The following ZNF280C variants were observed in gnomAD, a reference collection of about 807,000 sequenced individuals.
The protein encoded by ZNF280C is suppressor of hairy wing homolog 3.
In ZNF280C, 14 loss-of-function variants were observed where a neutral mutation model predicts 53.6. The observed-to-expected ratio is 0.26, with a 90% CI of 0.17 to 0.41. The LOEUF (loss-of-function observed/expected upper bound fraction) is 0.41, where lower values mean the gene tolerates loss of function less well. ZNF280C is among the 10% of genes least tolerant of loss of function. The probability of loss-of-function intolerance (pLI) is 1.00; values close to 1 mark genes in which losing one functional copy is unlikely to be tolerated. For missense variants in ZNF280C, 416 were observed against 547.1 expected, an observed-to-expected ratio of 0.76 and a Z score of 2.39; for synonymous variants, 203 against 181.1, an observed-to-expected ratio of 1.12 and a Z score of -0.97.
chrX:130,248,956 C>T (rs10126901), intron 2 of ZNF280C, among the ~76,000 whole-genome samples: 2,518 of 111,589 alleles, frequency 0.023, 79 homozygotes, highest in African/African-American at 0.077. Context: ...GAGTGCACTC[C>T]GCCCACCCTC....
rs1045748757 is a variant in ZNF280C, at chrX:130,204,817, T to C, written c.*160A>G. ...GCAAAGATAAGGTGGAATAACAATG[T>C]AGTGGCATCTGAAAGCTGAAAAGAG... On this transcript the variant is annotated 3_prime_UTR_variant, in exon 19 of 19. Transcript: ENST00000370978. The C allele has an allele frequency of 2.6e-6, 1 of 388,811 alleles. No homozygotes were observed. Among genetic ancestry groups the C allele is most frequent in the Non-Finnish European group, 4.4e-6 (1 of 226,011 alleles). 32.0% of individuals were successfully genotyped at this position (388,811 alleles called of 1,213,427 possible).
chrX:130,211,545 C>T (rs1253495821), intron 15 of ZNF280C, among the ~76,000 whole-genome samples: 1 of 111,228 alleles, frequency 9.0e-6, no homozygotes, highest in Non-Finnish European at 1.9e-5. Flanking sequence ...AGTGAGGGTG[C>T]ACCATTCAGA....
chrX:130,216,699 A>G (rs1181168923), intron 13 of ZNF280C, among the ~76,000 whole-genome samples: 2 of 112,181 alleles, frequency 1.8e-5, no homozygotes, highest in Non-Finnish European at 3.8e-5. Flanking sequence ...TGTAGTTACA[A>G]TGAAAAACAG....
intron 2 of ZNF280C, among the ~76,000 whole-genome samples, chrX:130,247,762 A>G (rs1234274736): frequency 9.0e-6 from 1 of 111,023 alleles, no homozygotes; most frequent in Non-Finnish European, 1.9e-5. Context: ...ATAAGAGAAA[A>G]TACATAGGAG....
Position 130,243,939 on chromosome X carries a change from CAT to C in ZNF280C, c.179-76_179-75del, listed in dbSNP as rs1009508103. On this transcript the variant is annotated intron_variant, in intron 3 of 18. Transcript: ENST00000370978. ...ACTAATAGAAAAATTCCTCCAAAAA[CAT>C]ATCTTTGCATAACCAATAATTGAAG... 7 of 612,559 alleles carry C rather than the reference CAT, an allele frequency of 1.1e-5. No individual in the cohort carries two copies. In the African/African-American group the frequency reaches 1.4e-4, roughly 12 times the overall value. The allele number at this position is 612,559 out of a possible 1,213,427, so 50.5% of individuals were successfully genotyped here.
rs35019405 is a variant in ZNF280C at position 130,204,999 on chromosome X, G to GAAA, written c.2199-10_2199-8dup. ...AATCTATTTCAATGAGCAGCTTTAA[G>GAAA]AAAAAAAAAAAAAAACTTTAATATT... is the stretch of plus-strand genomic sequence containing the variant. On this transcript the variant is annotated splice_polypyrimidine_tract_variant and splice_region_variant and intron_variant, in intron 18 of 18. Transcript: ENST00000370978. 2.1e-4 allele frequency: 192 copies of GAAA among 907,666 alleles called. No individual in the cohort carries two copies. Among genetic ancestry groups the GAAA allele is most frequent in the African/African-American group, 2.2e-4 (8 of 36,641 alleles). The allele number at this position is 907,666 out of a possible 1,213,427, so 74.8% of individuals were successfully genotyped here. A position where few individuals can be genotyped will look rare whatever the true frequency, so the allele number is the denominator to read the frequency against.
At position 130,204,721 on chromosome X, in the gene ZNF280C, G is replaced by T. The variant is rs1029971845; in HGVS notation, c.*256C>A. The T allele has an allele frequency of 1.8e-5, 5 of 273,629 alleles. No homozygotes were observed. Among genetic ancestry groups the T allele is most frequent in the Admixed American group, 6.4e-5 (1 of 15,675 alleles). 22.6% of individuals were successfully genotyped at this position (273,629 alleles called of 1,213,427 possible). A position where few individuals can be genotyped will look rare whatever the true frequency, so the allele number is the denominator to read the frequency against. ...TTCTGAAGGCAAGTCAAGTATAGCAGAGAAAAACAAAAGGCATTTTTGGAG... is the reference window on the plus strand; with the variant it reads ...TTCTGAAGGCAAGTCAAGTATAGCATAGAAAAACAAAAGGCATTTTTGGAG... On this transcript the variant is annotated 3_prime_UTR_variant, in exon 19 of 19. Transcript: ENST00000370978.
At chrX:130,214,616 T>C (rs957057131) in intron 15 of ZNF280C, among the ~76,000 whole-genome samples, 14 of 111,476 alleles carry the variant, frequency 1.3e-4, no homozygotes, top group African/African-American at 4.6e-4. Flanking sequence ...TGATATAAAA[T>C]GGCATAGTAC....
chrX:130,249,506 C>T (rs2032485363), intron 2 of ZNF280C, among the ~76,000 whole-genome samples: 1 of 111,913 alleles, frequency 8.9e-6, no homozygotes, highest in African/African-American at 3.2e-5. Context: ...AGCAGAGGTC[C>T]AATATCAGTC....
At chrX:130,234,818 A>G (rs1266213794) in intron 8 of ZNF280C, among the ~76,000 whole-genome samples, 1 of 111,926 alleles carries the variant, frequency 8.9e-6, no homozygotes, top group African/African-American at 3.3e-5. Flanking sequence ...GTACTGTGAA[A>G]ATTACCTAAA....
At chrX:130,208,825 A>G (rs2124696063) in intron 16 of ZNF280C, among the ~76,000 whole-genome samples, 1 of 108,760 alleles carries the variant, frequency 9.2e-6, no homozygotes, top group East Asian at 2.9e-4. Flanking sequence ...CCTCCCAAGT[A>G]GCTGGGATTA....
intron 12 of ZNF280C, among the ~76,000 whole-genome samples, chrX:130,225,522 T>A (rs760142786): frequency 1.8e-5 from 2 of 111,532 alleles, no homozygotes; most frequent in East Asian, 5.6e-4. Flanking sequence ...TCTATGAATT[T>A]TGTAAATCCA....
At chrX:130,263,613 A>C (rs1366028390) in intron 1 of ZNF280C, among the ~76,000 whole-genome samples, 1 of 111,849 alleles carries the variant, frequency 8.9e-6, no homozygotes. Context: ...GGTGATGAAA[A>C]TGTTCTAAAA....
chrX:130,223,041 A>G (rs2032185703), intron 12 of ZNF280C, among the ~76,000 whole-genome samples: 1 of 110,161 alleles, frequency 9.1e-6, no homozygotes, highest in African/African-American at 3.3e-5. Context: ...CATGCATACT[A>G]TATGGTTTTT....
At chrX:130,238,676 G>GT (rs748498118) in intron 6 of ZNF280C, among the ~76,000 whole-genome samples, 1 of 111,198 alleles carries the variant, frequency 9.0e-6, no homozygotes, top group East Asian at 2.8e-4. Flanking sequence ...TTATCTCCCT[G>GT]TTTGTTTCGG....
At chrX:130,237,525 T>C (rs1381163691) in intron 6 of ZNF280C, among the ~76,000 whole-genome samples, 3 of 111,680 alleles carry the variant, frequency 2.7e-5, no homozygotes, top group South Asian at 3.7e-4. Context: ...ATTTAGGCTA[T>C]AACCAGACCC....
intron 13 of ZNF280C, among the ~76,000 whole-genome samples, chrX:130,217,043 G>C (rs958054243): frequency 6.3e-5 from 7 of 111,518 alleles, no homozygotes; most frequent in Non-Finnish European, 1.3e-4. Flanking sequence ...AAAACAGTTT[G>C]GCAGTTTCTT....
chrX:130,215,338 T>C lies in ZNF280C; in HGVS notation c.1839-5A>G, dbSNP rs201618928. 472 of 1,153,006 alleles carry C rather than the reference T, an allele frequency of 4.1e-4. No homozygotes were observed. Among genetic ancestry groups the C allele is most frequent in the East Asian group, 8.7e-4 (28 of 32,264 alleles). ...TTGTGAATTCCCCGACGACACCTTA[T>C]GGAGACGGAAAAAAAAGATAAAAAG... On this transcript the variant is annotated splice_region_variant and splice_polypyrimidine_tract_variant and intron_variant, in intron 14 of 18. Coordinates refer to ENST00000370978, the MANE Select transcript of ZNF280C (RefSeq NM_017666.5).
chrX:130,264,546 T>C (rs1314360603), intron 1 of ZNF280C, among the ~76,000 whole-genome samples: 1 of 110,897 alleles, frequency 9.0e-6, no homozygotes, highest in African/African-American at 3.3e-5. Context: ...TGACCAACCT[T>C]ATATACATAA....
Sources: allele counts gnomAD v4.1 joint callset (sites outside exome capture counted in the v4.1 genomes callset), GRCh38; gene constraint gnomAD v4.1.1; transcripts MANE v1.5; gene names NCBI Gene and HGNC (gene_info 2026-07-23, HGNC 2026-07-21).